The following UVRAG variants were observed in gnomAD, a reference collection of about 807,000 sequenced individuals.
The protein encoded by UVRAG is UV radiation resistance-associated gene protein.
Under a neutral mutation model 78.0 loss-of-function variants are expected in UVRAG, and 19 were observed. The ratio of observed to expected loss-of-function variants is 0.24; its 90% CI spans 0.17 to 0.36. The LOEUF (loss-of-function observed/expected upper bound fraction) is 0.36, where lower values mean the gene tolerates loss of function less well. UVRAG is among the 10% of genes least tolerant of loss of function. The pLI is 1.00. For missense variants in UVRAG, 740 were observed against 853.8 expected (o/e 0.87, Z 1.66); for synonymous variants, 323 against 324.6 (o/e 1.00, Z 0.05).
At chr11:76,068,797 G>A (rs1023613077) in intron 13 of UVRAG, among the ~76,000 whole-genome samples, 8 of 152,146 alleles carry the variant, frequency 5.3e-5, no homozygotes, top group Non-Finnish European at 7.3e-5. Flanking sequence ...TAGCAATCAG[G>A]TATTTCCAGC....
intron 2 of UVRAG, among the ~76,000 whole-genome samples, chr11:75,857,014 G>T (rs150488743): frequency 1.3e-5 from 2 of 152,118 alleles, no homozygotes; most frequent in Non-Finnish European, 2.9e-5. Flanking sequence ...GTCTTTCAGC[G>T]TATACTTTTG....
chr11:76,124,816 T>G (rs937693739), intron 14 of UVRAG, among the ~76,000 whole-genome samples: 1 of 152,196 alleles, frequency 6.6e-6, no homozygotes, highest in Non-Finnish European at 1.5e-5. Context: ...ATAAAAGTAT[T>G]AGAAGAAGAA....
intron 13 of UVRAG, among the ~76,000 whole-genome samples, chr11:76,111,756 C>G (rs73498259): frequency 0.022 from 3,362 of 152,100 alleles, 126 homozygotes; most frequent in African/African-American, 0.077. Flanking sequence ...TCCATCCACT[C>G]ATTCTGCAAT....
chr11:76,139,362 A>C (rs1268580394), intron 14 of UVRAG, among the ~76,000 whole-genome samples: 2 of 152,192 alleles, frequency 1.3e-5, no homozygotes, highest in Admixed American at 1.3e-4. Context: ...TATTTGAATA[A>C]TGAGGGATGT....
intron 14 of UVRAG, among the ~76,000 whole-genome samples, chr11:76,134,493 G>C (rs924322561): frequency 1.3e-5 from 2 of 152,110 alleles, no homozygotes; most frequent in African/African-American, 2.4e-5. Context: ...GTGTGGGAAG[G>C]TAGGTGGTAG....
chr11:75,883,368 A>C (rs180713740), intron 4 of UVRAG, among the ~76,000 whole-genome samples: 170 of 130,746 alleles, frequency 1.3e-3, no homozygotes, highest in Middle Eastern at 3.6e-3. Context: ...GTAACAGAGA[A>C]CAAAAAAAAA....
chr11:76,040,654 C>A (rs574939018), intron 12 of UVRAG, among the ~76,000 whole-genome samples: 1 of 152,124 alleles, frequency 6.6e-6, no homozygotes, highest in South Asian at 2.1e-4. Flanking sequence ...CTCCTGGGAT[C>A]AAGCAATTCT....
intron 6 of UVRAG, among the ~76,000 whole-genome samples, chr11:75,951,011 A>G (rs974413635): frequency 7.0e-6 from 1 of 142,636 alleles, no homozygotes; most frequent in Admixed American, 6.8e-5. Flanking sequence ...CACATATCCC[A>G]AGTGTTTTTT....
chr11:76,014,152 T>A (rs1796099176), intron 11 of UVRAG, among the ~76,000 whole-genome samples: 2 of 152,216 alleles, frequency 1.3e-5, no homozygotes. Context: ...TGTTAGAAAA[T>A]CAACTTTTGG....
chr11:76,134,524 T>TGAAACAGTATGCTGTATAAGA (rs1952568331), intron 14 of UVRAG, among the ~76,000 whole-genome samples: 1 of 152,088 alleles, frequency 6.6e-6, no homozygotes, highest in African/African-American at 2.4e-5. Context: ...TGTTCCTGCT[T>TGAAACAGTATGCTGTATAAGA]GAAACAGTAT....
chr11:76,118,714 C>G (rs1301967365), intron 14 of UVRAG, among the ~76,000 whole-genome samples: 1 of 152,124 alleles, frequency 6.6e-6, no homozygotes, highest in Non-Finnish European at 1.5e-5. Flanking sequence ...GATTCCTTGG[C>G]TAATATTTTA....
chr11:76,117,534 A>G (rs924870045), intron 14 of UVRAG, among the ~76,000 whole-genome samples: 17 of 152,250 alleles, frequency 1.1e-4, no homozygotes, highest in African/African-American at 4.1e-4. Flanking sequence ...AGATTTGAGA[A>G]TGAAATAAAA....
Position 75,861,750 on chromosome 11 carries a change from T to C in UVRAG, c.240T>C (p.Phe80=). The C allele has an allele frequency of 6.2e-7, 1 of 1,607,046 alleles. No individual in the cohort carries two copies. The highest frequency in any genetic ancestry group is 2.2e-5 in the East Asian group (1 of 44,718). Residue 80 remains phenylalanine, a synonymous_variant, in exon 3 of 15, where the codon TTT becomes TTC. Coordinates refer to ENST00000356136, the MANE Select transcript of UVRAG (RefSeq NM_003369.4). ...TTCTTTTTTCTTCTTTTCCAGAATT[T>C]TATAGAAGTGAAGTGATTAAGAATT... The part of the protein sequence containing the change: ...LCSTEKIYKE[F]YRSEVIKNSL...
At chr11:76,094,314 A>G (rs1399775757) in intron 13 of UVRAG, among the ~76,000 whole-genome samples, 3 of 152,150 alleles carry the variant, frequency 2.0e-5, no homozygotes, top group Admixed American at 2.0e-4. Context: ...TTGGTTTGAA[A>G]TTCTCTTTTT....
intron 6 of UVRAG, among the ~76,000 whole-genome samples, chr11:75,954,074 C>T (rs981347962): frequency 4.6e-5 from 7 of 152,062 alleles, no homozygotes; most frequent in Non-Finnish European, 8.8e-5. Context: ...CAGGATGTCC[C>T]ATGTTATTTT....
intron 13 of UVRAG, among the ~76,000 whole-genome samples, chr11:76,075,735 G>C (rs961344469): frequency 1.3e-5 from 2 of 152,096 alleles, no homozygotes; most frequent in African/African-American, 4.8e-5. Flanking sequence ...CCCACTAGTA[G>C]TCATTCCTCA....
intron 7 of UVRAG, among the ~76,000 whole-genome samples, chr11:75,965,550 C>T (rs1326588235): frequency 6.6e-6 from 1 of 152,116 alleles, no homozygotes; most frequent in African/African-American, 2.4e-5. Flanking sequence ...CTCCTGACCT[C>T]GTGGTCTGCC....
At chr11:75,978,679 A>T (rs1319411310) in intron 7 of UVRAG, among the ~76,000 whole-genome samples, 2 of 152,170 alleles carry the variant, frequency 1.3e-5, no homozygotes, top group African/African-American at 4.8e-5. Flanking sequence ...AAGCTTGTGC[A>T]TGCATCACAT....
At chr11:76,079,990 T>G (rs972697424) in intron 13 of UVRAG, among the ~76,000 whole-genome samples, 5 of 152,162 alleles carry the variant, frequency 3.3e-5, no homozygotes, top group Admixed American at 6.5e-5. Flanking sequence ...TCTGAGAGCA[T>G]GGCACCAACA....
Sources: gnomAD v4.1 joint callset for allele counts (sites outside exome capture counted in the v4.1 genomes callset) on GRCh38, gnomAD v4.1.1 for gene constraint, MANE v1.5 for transcripts, NCBI Gene and HGNC (gene_info 2026-07-23, HGNC 2026-07-21) for gene names.